Variants in GET1 observed in about 807,000 individuals in gnomAD.
The protein encoded by GET1 is guided entry of tail-anchored proteins factor 1.
In GET1, 20 loss-of-function variants were observed where a neutral mutation model predicts 22.6. The observed-to-expected ratio is 0.89, with a 90% CI of 0.62 to 1.29. GET1 has a LOEUF of 1.29. Ranked by LOEUF, GET1 falls within the 50% of genes most tolerant of loss-of-function variation. GET1 has a pLI of 0.00. For missense variants in GET1, 209 were observed against 219.9 expected, an observed-to-expected ratio of 0.95 and a Z score of 0.31; for synonymous variants, 92 against 83.8, an observed-to-expected ratio of 1.10 and a Z score of -0.53.
At chr21:39,423,024 T>C in intron 1 of GET1, 1 of 1,614,092 alleles carries the variant, frequency 6.2e-7, no homozygotes, top group South Asian at 1.1e-5. Context: ...TAATAGATAA[T>C]TTATGAGTGA....
chr21:39,380,719 C>G (rs996176127), intron 1 of GET1: 10 of 1,272,756 alleles, frequency 7.9e-6, no homozygotes, highest in Admixed American at 6.9e-5. Flanking sequence ...CAACCCTGGA[C>G]TCTTCTGGCT....
chr21:39,388,956 T>TTTTA (rs1012841110), intron 1 of GET1, among the ~76,000 whole-genome samples: 7 of 152,132 alleles, frequency 4.6e-5, no homozygotes, highest in Admixed American at 6.5e-5. Context: ...GCGTGCTTCT[T>TTTTA]TGTTTATGTC....
chr21:39,417,767 A>T (rs2041487594), intron 1 of GET1, among the ~76,000 whole-genome samples: 1 of 151,710 alleles, frequency 6.6e-6, no homozygotes, highest in Non-Finnish European at 1.5e-5. Flanking sequence ...TAATTTTTTA[A>T]TTTTTAATTT....
chr21:39,407,988 C>T (rs1047216467), downstream of GET1: 1 of 152,202 alleles, frequency 6.6e-6, no homozygotes, highest in Non-Finnish European at 1.5e-5. Context: ...GCCCTTGGGC[C>T]TCTACTGAAG....
downstream of GET1, chr21:39,410,910 T>C (rs73365938): frequency 0.015 from 6,929 of 471,062 alleles, 209 homozygotes; most frequent in African/African-American, 0.087. Context: ...GAAGTAAACA[T>C]GTAGCTACTT....
At chr21:39,388,968 G>GTT (rs1278894678) in intron 1 of GET1, among the ~76,000 whole-genome samples, 3 of 152,136 alleles carry the variant, frequency 2.0e-5, no homozygotes, top group African/African-American at 7.2e-5. Flanking sequence ...GTTTATGTCT[G>GTT]TATTTCTCTG....
intron 3 of GET1, 36 bp downstream of exon 3, chr21:39,391,872 T>C: frequency 6.2e-7 from 1 of 1,607,864 alleles, no homozygotes; most frequent in Non-Finnish European, 8.5e-7. Flanking sequence ...GTCATTGGAG[T>C]TGGTGACCCC....
Position 39,380,328 on chromosome 21 carries a change from T to A in GET1, c.-57T>A. On this transcript the variant is annotated 5_prime_UTR_variant, in exon 1 of 5. Coordinates refer to ENST00000649170, the MANE Select transcript of GET1 (RefSeq NM_004627.6). ...ACCGCGCAGGCGCGGTCGCCGCTGT[T>A]GTTGTGGTCCCCATGGAGCTGCCGT... The A allele has an allele frequency of 1.3e-6, 2 of 1,547,282 alleles. No individual in the cohort carries two copies. Among genetic ancestry groups the A allele is most frequent in the Admixed American group, 2.0e-5 (1 of 51,124 alleles).
At chr21:39,390,549 G>C (rs112737182) in intron 1 of GET1, 149 bp from the exon 2 acceptor site, 2 of 1,008,544 alleles carry the variant, frequency 2.0e-6, no homozygotes, top group Non-Finnish European at 2.8e-6. Flanking sequence ...GAACGTTCAC[G>C]GCCGCAGTTT....
intron 1 of GET1, among the ~76,000 whole-genome samples, chr21:39,384,881 G>C (rs529909405): frequency 6.6e-6 from 1 of 152,056 alleles, no homozygotes; most frequent in Non-Finnish European, 1.5e-5. Context: ...ATTTCCCTAT[G>C]ATTGTTAACA....
At chr21:39,391,561 A>C in intron 2 of GET1, 1 of 535,016 alleles carries the variant, frequency 1.9e-6, no homozygotes. Flanking sequence ...TTCAAATCTC[A>C]ATCTGAGTCG....
At chr21:39,415,297 A>G (rs974598369) in intron 1 of GET1, among the ~76,000 whole-genome samples, 12 of 152,026 alleles carry the variant, frequency 7.9e-5, no homozygotes, top group African/African-American at 2.7e-4. Context: ...AGCCATTTCT[A>G]CTCTTTTAAA....
intron 1 of GET1, among the ~76,000 whole-genome samples, chr21:39,414,513 CTG>C (rs1337403301): frequency 1.1e-4 from 17 of 152,150 alleles, no homozygotes; most frequent in African/African-American, 4.1e-4. Flanking sequence ...ATGTGGCAGA[CTG>C]TATTTTCCTA....
chr21:39,411,767 A>G (rs768395825), intron 1 of GET1: 7 of 1,590,636 alleles, frequency 4.4e-6, no homozygotes, highest in South Asian at 1.1e-5. Context: ...TTCGATGACT[A>G]TAGATGTTTT....
At chr21:39,427,010 C>T (rs965244102) in intron 1 of GET1, among the ~76,000 whole-genome samples, 2 of 152,210 alleles carry the variant, frequency 1.3e-5, no homozygotes, top group African/African-American at 4.8e-5. Flanking sequence ...TAAAGAATCC[C>T]TGTGCTATAG....
chr21:39,382,850 C>T (rs1261081803), intron 1 of GET1, among the ~76,000 whole-genome samples: 1 of 152,220 alleles, frequency 6.6e-6, no homozygotes, highest in Admixed American at 6.5e-5. Flanking sequence ...ATAGCAGCCA[C>T]ACCATTCGAC....
At chr21:39,398,844 A>G (rs1373239804), downstream of GET1, among the ~76,000 whole-genome samples, 9 of 151,818 alleles carry the variant, frequency 5.9e-5, no homozygotes, top group African/African-American at 2.2e-4. Context: ...ACCTCAGCTG[A>G]TCCACCCGCC....
At chr21:39,387,734 G>A in intron 1 of GET1, 1 of 983,308 alleles carries the variant, frequency 1.0e-6, no homozygotes, top group African/African-American at 1.8e-5. Flanking sequence ...GCTGGTAGGC[G>A]GCATCACTGG....
At chr21:39,387,798 C>A (rs1227975116) in intron 1 of GET1, 20 of 985,398 alleles carry the variant, frequency 2.0e-5, no homozygotes, top group Non-Finnish European at 2.4e-5. Flanking sequence ...TGGCGGGTCG[C>A]GGCTTCCAAG....
Sources: gnomAD v4.1 joint callset for allele counts (sites outside exome capture counted in the v4.1 genomes callset) on GRCh38, gnomAD v4.1.1 for gene constraint, MANE v1.5 for transcripts, NCBI Gene and HGNC (gene_info 2026-07-23, HGNC 2026-07-21) for gene names.